CWC22: variants seen among roughly 807,000 people sequenced by gnomAD.
CWC22 encodes the protein CWC22 spliceosome associated protein, also known as pre-mRNA-splicing factor CWC22 homolog.
CWC22 carries 53 observed loss-of-function variants against 117.2 expected under a neutral mutation model. That is an observed-to-expected ratio of 0.45 (90% CI 0.36 to 0.57). The LOEUF (loss-of-function observed/expected upper bound fraction) is 0.57. Ranked by LOEUF, CWC22 falls within the 20% of genes least tolerant of loss-of-function variation. The pLI, the probability that CWC22 is intolerant of heterozygous loss-of-function variation, is 0.00. For synonymous variants in CWC22, 360 were observed against 355.6 expected (o/e 1.01, Z -0.14); for missense variants, 980 against 1,068.8 (o/e 0.92, Z 1.16).
intron 6 of CWC22, among the ~76,000 whole-genome samples, chr2:179,976,140 A>T (rs1352294652): frequency 6.6e-6 from 1 of 152,238 alleles, no homozygotes; most frequent in African/African-American, 2.4e-5. Flanking sequence ...TGCTAAGAAG[A>T]CACAATAGGG....
chr2:179,967,495 T>G (rs1001783000), intron 11 of CWC22, among the ~76,000 whole-genome samples: 3 of 152,192 alleles, frequency 2.0e-5, no homozygotes, highest in African/African-American at 7.2e-5. Context: ...GCCCTTTCAC[T>G]GTGCTGACAT....
chr2:180,002,212 G>C (rs145221976), intron 1 of CWC22, among the ~76,000 whole-genome samples: 47 of 152,300 alleles, frequency 3.1e-4, no homozygotes, highest in Admixed American at 5.2e-4. Context: ...CTTCTTCTAA[G>C]ATATGACTTA....
At chr2:179,987,437 A>T (rs1687446143) in intron 3 of CWC22, among the ~76,000 whole-genome samples, 1 of 152,106 alleles carries the variant, frequency 6.6e-6, no homozygotes, top group Admixed American at 6.5e-5. Context: ...ACACATCTAC[A>T]ATTAAGTTAT....
At chr2:179,975,171 T>C (rs1217257311) in intron 6 of CWC22, among the ~76,000 whole-genome samples, 1 of 152,206 alleles carries the variant, frequency 6.6e-6, no homozygotes, top group Non-Finnish European at 1.5e-5. Flanking sequence ...CTTTTAAATA[T>C]CACCAATTGC....
intron 13 of CWC22, among the ~76,000 whole-genome samples, chr2:179,961,205 G>C (rs1488212045): frequency 1.3e-5 from 2 of 151,956 alleles, no homozygotes; most frequent in Non-Finnish European, 2.9e-5. Context: ...TCACCTAAGA[G>C]AATTAGCAAA....
At chr2:179,958,725 T>A (rs1559286765) in intron 14 of CWC22, among the ~76,000 whole-genome samples, 2 of 152,136 alleles carry the variant, frequency 1.3e-5, no homozygotes, top group Admixed American at 6.5e-5. Flanking sequence ...TCCTACTATA[T>A]TCAAGTCAAA....
chr2:179,970,400 T>A, intron 11 of CWC22, 101 bp downstream of exon 11: 2 of 1,162,860 alleles, frequency 1.7e-6, no homozygotes, highest in Middle Eastern at 3.0e-4. Flanking sequence ...GAGCAGCGAT[T>A]CATTAGGTGG....
At chr2:179,988,778 T>C (rs905043406) in intron 2 of CWC22, 134 bp from the exon 3 acceptor site, 4 of 531,072 alleles carry the variant, frequency 7.5e-6, no homozygotes, top group Middle Eastern at 4.2e-4. Flanking sequence ...TAAGAATAAT[T>C]CATGTAACCT....
intron 6 of CWC22, among the ~76,000 whole-genome samples, chr2:179,975,986 C>T (rs1019556401): frequency 1.3e-5 from 2 of 152,172 alleles, no homozygotes; most frequent in African/African-American, 2.4e-5. Context: ...GGAGGCATCA[C>T]ACTCCCTGAC....
chr2:179,965,551 CA>C (rs1396775927), intron 12 of CWC22, among the ~76,000 whole-genome samples: 15 of 152,178 alleles, frequency 9.9e-5, no homozygotes, highest in Non-Finnish European at 1.6e-4. Context: ...AATAAGAAAA[CA>C]TGTTTTTCAT....
At chr2:179,981,566 T>C (rs1687288197) in intron 5 of CWC22, among the ~76,000 whole-genome samples, 186 bp downstream of exon 5, 1 of 152,152 alleles carries the variant, frequency 6.6e-6, no homozygotes. Context: ...AGAAGTAATG[T>C]GCTAATATAA....
intron 17 of CWC22, among the ~76,000 whole-genome samples, chr2:179,951,734 T>A (rs758852062): frequency 6.6e-6 from 1 of 151,676 alleles, no homozygotes; most frequent in Non-Finnish European, 1.5e-5. Flanking sequence ...AATAAGTAAG[T>A]ATATGAAGCC....
chr2:179,985,510 A>G (rs894331365), intron 4 of CWC22, among the ~76,000 whole-genome samples: 5 of 152,026 alleles, frequency 3.3e-5, no homozygotes, highest in Admixed American at 1.3e-4. Flanking sequence ...CTGAGCAAAT[A>G]CAGAGGCCCT....
chr2:179,954,130 T>C (rs911077390), intron 16 of CWC22, 75 bp downstream of exon 16: 16 of 1,087,670 alleles, frequency 1.5e-5, no homozygotes, highest in Non-Finnish European at 2.0e-5. Flanking sequence ...AGGATAAATA[T>C]GGCTAGCTTA....
rs3768838 is a variant in CWC22 at position 179,971,095 on chromosome 2, A to T, written c.805-19T>A. 0.12 allele frequency: 179,365 copies of T among 1,474,064 alleles called. 12,842 individuals are homozygous for T. Among genetic ancestry groups the T allele is most frequent in the Admixed American group, 0.34 (13,436 of 39,214 alleles). The allele number at this position is 1,474,064 out of a possible 1,614,324, so 91.3% of individuals were successfully genotyped here. On this transcript the variant is annotated intron_variant, in intron 8 of 19. Transcript: ENST00000410053. ...CGTGTGCCTTAAATAAAATACATAT[A>T]CAAGGAAGAAACAAAATGCTTTTAC... is the stretch of plus-strand genomic sequence containing the variant.
chr2:179,981,877 A>C lies in CWC22; in HGVS notation c.327T>G (p.Ala109=). ...TTTTCTTTGTAGCAGGTTCATCCTGAGCAGAGGAACTCTGAGTTACTGATG... is the reference window on the plus strand; with the variant it reads ...TTTTCTTTGTAGCAGGTTCATCCTGCGCAGAGGAACTCTGAGTTACTGATG... ...PETSVTQSSS[A]QDEPATKKKK... is the part of the protein sequence containing the mutation. The change falls in exon 5 of 20, where the codon GCT becomes GCG. Residue 109 remains alanine, a synonymous_variant. Transcript: ENST00000410053. The C allele has an allele frequency of 1.2e-6, 2 of 1,611,924 alleles. No individual in the cohort carries two copies. Among genetic ancestry groups the C allele is most frequent in the Non-Finnish European group, 8.5e-7 (1 of 1,178,874 alleles).
chr2:179,952,940 G>C (rs779919143), intron 16 of CWC22, among the ~76,000 whole-genome samples: 7 of 151,928 alleles, frequency 4.6e-5, no homozygotes, highest in Non-Finnish European at 1.0e-4. Flanking sequence ...GAAGGTTTGG[G>C]GCAAAATGCC....
chr2:179,945,586 C>T lies in CWC22; in HGVS notation c.2270G>A (p.Arg757Lys), dbSNP rs181791480. 448 of 1,613,600 alleles carry T rather than the reference C, an allele frequency of 2.8e-4. No individual in the cohort carries two copies. The highest frequency in any genetic ancestry group is 2.9e-4 in the Non-Finnish European group (341 of 1,179,744). ...RRQEHGHQET[R>K]TERERRSEKH... The stretch of plus-strand genomic sequence containing the variant: ...TTCTGACCTTCTTTCTCTCTCAGTC[C>T]TTGTTTCCTGGTGCCCGTGTTCTTG... The change falls in exon 20 of 20, where the codon AGG becomes AAG. Residue 757 changes from arginine (R) to lysine (K), a missense_variant. Around this residue, in one of 3 missense-constraint regions of CWC22, gnomAD observed 306 missense variants for 296.8 expected, o/e 1.03. Transcript: ENST00000410053.
chr2:179,980,419 A>T (rs1399922131), intron 5 of CWC22, among the ~76,000 whole-genome samples: 69 of 136,524 alleles, frequency 5.1e-4, no homozygotes, highest in African/African-American at 1.5e-3. Flanking sequence ...GACATTTCTT[A>T]TTTTTTTTTT....
Sources: allele counts gnomAD v4.1 joint callset (sites outside exome capture counted in the v4.1 genomes callset), GRCh38; gene constraint gnomAD v4.1.1; regional missense constraint gnomAD v4.1.1; transcripts MANE v1.5; gene names NCBI Gene and HGNC (gene_info 2026-07-23, HGNC 2026-07-21).